The following NSMCE2 variants were observed in gnomAD, a reference collection of about 807,000 sequenced individuals.
NSMCE2 encodes the protein E3 SUMO-protein ligase NSE2.
A neutral mutation model predicts 23.8 loss-of-function variants in NSMCE2; 24 were observed. The ratio of observed to expected loss-of-function variants is 1.01; its 90% CI spans 0.73 to 1.42. The LOEUF is 1.42. Among genes scored for constraint, NSMCE2 ranks in the 40% most tolerant of loss-of-function variants. The pLI is 0.00. For synonymous variants in NSMCE2, 92 were observed against 94.1 expected (o/e 0.98, Z 0.13); for missense variants, 284 against 296.5 (o/e 0.96, Z 0.31).
At chr8:125,240,999 T>C (rs1309511654) in intron 5 of NSMCE2, among the ~76,000 whole-genome samples, 1 of 152,182 alleles carries the variant, frequency 6.6e-6, no homozygotes. Flanking sequence ...GAGTATCCCT[T>C]ATCCAAAATA....
At chr8:125,280,601 T>A (rs574780628) in intron 5 of NSMCE2, among the ~76,000 whole-genome samples, 1 of 152,202 alleles carries the variant, frequency 6.6e-6, no homozygotes, top group African/African-American at 2.4e-5. Flanking sequence ...TGTTCAGAAA[T>A]GATCCTATTA....
At chr8:125,130,028 C>T (rs1048473684) in intron 3 of NSMCE2, among the ~76,000 whole-genome samples, 6 of 152,126 alleles carry the variant, frequency 3.9e-5, no homozygotes, top group Non-Finnish European at 8.8e-5. Context: ...AGAACGTTGT[C>T]TGGGATCCAA....
In NSMCE2 at chr8:125,174,156, C is replaced by A. The variant is rs571336898; in HGVS notation, c.265-7947C>A. On this transcript the variant is annotated intron_variant, in intron 4 of 7. Coordinates refer to ENST00000287437, the MANE Select transcript of NSMCE2 (RefSeq NM_173685.4). ...CACTTGATATATTTCCTTCCCAACA[C>A]TTTTTATAGTTTGCAATAATCTGCT... is the stretch of plus-strand genomic sequence containing the variant. Among the ~76,000 whole-genome samples, 22 of 152,142 alleles carry A rather than the reference C, an allele frequency of 1.4e-4. 1 individual carries two copies. The highest frequency in any genetic ancestry group is 5.3e-4 in the African/African-American group (22 of 41,514).
intron 5 of NSMCE2, among the ~76,000 whole-genome samples, chr8:125,187,199 T>A (rs902722693): frequency 5.3e-5 from 8 of 152,240 alleles, no homozygotes; most frequent in African/African-American, 1.9e-4. Flanking sequence ...TCCCTTCAGA[T>A]ACCGCCTATC....
intron 5 of NSMCE2, among the ~76,000 whole-genome samples, chr8:125,283,662 A>G (rs1479030911): frequency 6.6e-6 from 1 of 152,240 alleles, no homozygotes; most frequent in Non-Finnish European, 1.5e-5. Flanking sequence ...ATTATGTATC[A>G]AGACACATAA....
At chr8:125,268,610 T>C (rs1048016656) in intron 5 of NSMCE2, among the ~76,000 whole-genome samples, 1 of 152,144 alleles carries the variant, frequency 6.6e-6, no homozygotes. Flanking sequence ...GGGCTAAAAA[T>C]GAAATATTTA....
chr8:125,144,584 G>A (rs959722433), intron 3 of NSMCE2, among the ~76,000 whole-genome samples: 3 of 152,116 alleles, frequency 2.0e-5, no homozygotes, highest in African/African-American at 4.8e-5. Flanking sequence ...TAGTCACAAA[G>A]GACCTGGAAT....
intron 5 of NSMCE2, among the ~76,000 whole-genome samples, chr8:125,334,541 C>T (rs1238513073): frequency 3.9e-5 from 6 of 152,132 alleles, no homozygotes; most frequent in Non-Finnish European, 8.8e-5. Flanking sequence ...GGATGTGTGA[C>T]CCACCAAGGC....
chr8:125,237,576 G>A (rs1389121487), intron 5 of NSMCE2, among the ~76,000 whole-genome samples: 2 of 152,154 alleles, frequency 1.3e-5, no homozygotes, highest in Non-Finnish European at 2.9e-5. Flanking sequence ...CCTTTTCAAG[G>A]AGATAATTCA....
intron 5 of NSMCE2, among the ~76,000 whole-genome samples, chr8:125,344,570 C>G (rs1213223304): frequency 6.6e-6 from 1 of 151,918 alleles, no homozygotes; most frequent in Non-Finnish European, 1.5e-5. Flanking sequence ...TGGTGAAACC[C>G]CGTCTCTACC....
intron 4 of NSMCE2, among the ~76,000 whole-genome samples, chr8:125,169,642 C>T (rs1822071407): frequency 6.6e-6 from 1 of 152,044 alleles, no homozygotes; most frequent in African/African-American, 2.4e-5. Context: ...GTCTTCAGTC[C>T]CCTTGGGCAC....
chr8:125,248,008 A>G lies in NSMCE2; in HGVS notation c.418+65752A>G, dbSNP rs558146382. Reference sequence around the variant, plus strand: ...AGATTTTGGTGTATGTTAGATTTTCAAATCTGTAGAGAAAAGTTGGCTCAT... The same window carrying G: ...AGATTTTGGTGTATGTTAGATTTTCGAATCTGTAGAGAAAAGTTGGCTCAT... On this transcript the variant is annotated intron_variant, in intron 5 of 7. Coordinates refer to ENST00000287437, the MANE Select transcript of NSMCE2 (RefSeq NM_173685.4). 3.3e-5 allele frequency among the ~76,000 whole-genome samples: 5 copies of G among 152,354 alleles called. No individual in the cohort carries two copies. In the East Asian group the frequency reaches 9.6e-4, roughly 29 times the overall value.
intron 5 of NSMCE2, among the ~76,000 whole-genome samples, chr8:125,222,544 G>T (rs1450878221): frequency 1.3e-5 from 2 of 151,856 alleles, no homozygotes; most frequent in East Asian, 3.9e-4. Context: ...CCCAACCTCT[G>T]GTAACCACCA....
intron 3 of NSMCE2, among the ~76,000 whole-genome samples, chr8:125,142,792 C>T (rs1455016536): frequency 4.6e-5 from 7 of 151,662 alleles, no homozygotes; most frequent in Non-Finnish European, 1.0e-4. Flanking sequence ...TTAGTAGAGA[C>T]GGTTTCTCCA....
At chr8:125,227,886 A>G (rs1476195182) in intron 5 of NSMCE2, among the ~76,000 whole-genome samples, 1 of 152,092 alleles carries the variant, frequency 6.6e-6, no homozygotes, top group African/African-American at 2.4e-5. Context: ...TTTAGTCAGT[A>G]TAGTGTGAGC....
At chr8:125,306,457 C>G (rs967331482) in intron 5 of NSMCE2, among the ~76,000 whole-genome samples, 1 of 152,162 alleles carries the variant, frequency 6.6e-6, no homozygotes, top group Non-Finnish European at 1.5e-5. Context: ...TCTCTCTTCT[C>G]CCCACTTCCT....
At chr8:125,104,244 C>T (rs892205711) in intron 3 of NSMCE2, among the ~76,000 whole-genome samples, 4 of 152,192 alleles carry the variant, frequency 2.6e-5, no homozygotes, top group African/African-American at 9.7e-5. Flanking sequence ...CCTGCCTTGG[C>T]CTTCCAAAAT....
intron 7 of NSMCE2, among the ~76,000 whole-genome samples, chr8:125,358,555 G>A (rs578062807): frequency 2.8e-4 from 43 of 151,780 alleles, no homozygotes; most frequent in Middle Eastern, 3.4e-3. Flanking sequence ...CCATGACCAC[G>A]GAGGACCATG....
intron 5 of NSMCE2, among the ~76,000 whole-genome samples, chr8:125,329,967 C>T (rs561199039): frequency 6.6e-6 from 1 of 151,956 alleles, no homozygotes; most frequent in East Asian, 1.9e-4. Context: ...TTCTCTCCAG[C>T]CCCCTCCGAA....
Sources: allele counts gnomAD v4.1 joint callset (sites outside exome capture counted in the v4.1 genomes callset), GRCh38; gene constraint gnomAD v4.1.1; transcripts MANE v1.5; gene names NCBI Gene and HGNC (gene_info 2026-07-23, HGNC 2026-07-21).